The following PAFAH1B1 variants were observed in gnomAD, a reference collection of about 807,000 sequenced individuals.
The protein encoded by PAFAH1B1 is platelet-activating factor acetylhydrolase IB subunit beta.
Under a neutral mutation model 57.5 loss-of-function variants are expected in PAFAH1B1, and 2 were observed. That is an observed-to-expected ratio of 0.03 (90% CI 0.01 to 0.11). The LOEUF is 0.11. Ranked by LOEUF, PAFAH1B1 falls within the 10% of genes least tolerant of loss-of-function variation. The pLI is 1.00. For synonymous variants in PAFAH1B1, 152 were observed against 169.6 expected (o/e 0.90, Z 0.81); for missense variants, 257 against 512.0 (o/e 0.50, Z 4.81).
chr17:2,646,668 TA>T (rs1374988828), intron 2 of PAFAH1B1, among the ~76,000 whole-genome samples: 1 of 151,952 alleles, frequency 6.6e-6, no homozygotes, highest in Non-Finnish European at 1.5e-5. Flanking sequence ...AATAAATAAA[TA>T]AATTTGAAAA....
Position 2,593,679 on chromosome 17 carries a change from C to T in PAFAH1B1, c.-518C>T, listed in dbSNP as rs2068048090. 1.2e-5 allele frequency: 3 copies of T among 243,612 alleles called. No homozygotes were observed. Among genetic ancestry groups the T allele is most frequent in the Non-Finnish European group, 1.5e-5 (2 of 129,838 alleles). The allele number at this position is 243,612 out of a possible 1,614,324, so 15.1% of individuals were successfully genotyped here. ...AGACGGAGCTGGAGCGGCGGGGCGG[C>T]GGCGGAGTCCGGCGGCCGGGAGAGC... is the stretch of plus-strand genomic sequence containing the variant. On this transcript the variant is annotated 5_prime_UTR_variant, in exon 1 of 11. Transcript: ENST00000397195.
intron 1 of PAFAH1B1, among the ~76,000 whole-genome samples, chr17:2,609,893 C>T (rs186385632): frequency 4.5e-4 from 68 of 152,302 alleles, no homozygotes; most frequent in African/African-American, 1.6e-3. Flanking sequence ...GGCACGATCT[C>T]GGCTCACTGT....
At position 2,652,015 on chromosome 17, in the gene PAFAH1B1, C is replaced by A. The variant is rs565122857; in HGVS notation, c.33-13357C>A. On this transcript the variant is annotated intron_variant, in intron 2 of 10. Coordinates refer to ENST00000397195, the MANE Select transcript of PAFAH1B1 (RefSeq NM_000430.4). Reference sequence around the variant, plus strand: ...CATCCTTCCCTGCCTCCCTAAACCCCTCATATTTTTACTGTTAACCATAGT... The same window carrying A: ...CATCCTTCCCTGCCTCCCTAAACCCATCATATTTTTACTGTTAACCATAGT... 7.9e-5 allele frequency among the ~76,000 whole-genome samples: 12 copies of A among 152,312 alleles called. No individual in the cohort carries two copies. In the South Asian group the frequency reaches 2.5e-3, roughly 32 times the overall value.
intron 1 of PAFAH1B1, among the ~76,000 whole-genome samples, chr17:2,637,055 A>G (rs943849604): frequency 1.1e-4 from 16 of 152,010 alleles, no homozygotes; most frequent in South Asian, 4.2e-4. Flanking sequence ...TGGCTTATTC[A>G]TTACTGTATT....
intron 9 of PAFAH1B1, chr17:2,679,743 G>A (rs2069348032): frequency 4.2e-6 from 1 of 236,314 alleles, no homozygotes; most frequent in Admixed American, 5.2e-5. Context: ...TCATGTATGT[G>A]TGTATATTTT....
chr17:2,625,450 G>A (rs921373170), intron 1 of PAFAH1B1, among the ~76,000 whole-genome samples: 47 of 152,202 alleles, frequency 3.1e-4, no homozygotes, highest in African/African-American at 1.1e-3. Context: ...TCTTTGAGAG[G>A]AAAGATCTTA....
intron 2 of PAFAH1B1, among the ~76,000 whole-genome samples, chr17:2,652,325 G>T (rs1177027072): frequency 6.6e-6 from 1 of 152,318 alleles, no homozygotes; most frequent in East Asian, 1.9e-4. Flanking sequence ...TGAGGCAGGA[G>T]AATGGCGTGA....
intron 1 of PAFAH1B1, among the ~76,000 whole-genome samples, chr17:2,606,219 A>G (rs1272409384): frequency 6.6e-6 from 1 of 151,814 alleles, no homozygotes; most frequent in Non-Finnish European, 1.5e-5. Context: ...TAACTATTCG[A>G]CTCCAAAATT....
rs557316851 is a variant in PAFAH1B1 at position 2,668,194 on chromosome 17, C to T, written c.399+996C>T. On this transcript the variant is annotated intron_variant, in intron 5 of 10. Coordinates refer to ENST00000397195, the MANE Select transcript of PAFAH1B1 (RefSeq NM_000430.4). Reference sequence around the variant, plus strand: ...CAAAAAAATTAGCTGGGCATGGCAGCGTGCGCCTGTAGTCCCAGCTACTTG... The same window carrying T: ...CAAAAAAATTAGCTGGGCATGGCAGTGTGCGCCTGTAGTCCCAGCTACTTG... 5.3e-5 allele frequency among the ~76,000 whole-genome samples: 8 copies of T among 151,880 alleles called. No individual in the cohort carries two copies. In the East Asian group the frequency reaches 1.2e-3, roughly 22 times the overall value.
chr17:2,659,471 A>T, intron 2 of PAFAH1B1: 1 of 233,944 alleles, frequency 4.3e-6, no homozygotes, highest in Non-Finnish European at 8.7e-6. Flanking sequence ...TGGTGAGCTG[A>T]GATTGTGCCA....
chr17:2,650,188 G>A (rs1203357737), intron 2 of PAFAH1B1, among the ~76,000 whole-genome samples: 1 of 152,152 alleles, frequency 6.6e-6, no homozygotes, highest in African/African-American at 2.4e-5. Context: ...GTAGGTGCAA[G>A]ATTTTATCTT....
intron 1 of PAFAH1B1, among the ~76,000 whole-genome samples, chr17:2,633,751 C>T (rs116499523): frequency 1.1e-4 from 17 of 152,222 alleles, no homozygotes; most frequent in African/African-American, 4.1e-4. Context: ...GATAGTTGGA[C>T]AGGTTTGGAT....
intron 2 of PAFAH1B1, among the ~76,000 whole-genome samples, chr17:2,654,100 C>T (rs555317132): frequency 1.3e-5 from 2 of 152,192 alleles, no homozygotes; most frequent in East Asian, 1.9e-4. Context: ...AGCCACCATG[C>T]CCGGCCAGTC....
At chr17:2,650,962 C>T (rs2068841533) in intron 2 of PAFAH1B1, among the ~76,000 whole-genome samples, 1 of 152,138 alleles carries the variant, frequency 6.6e-6, no homozygotes, top group Admixed American at 6.5e-5. Flanking sequence ...TTCCTTGATA[C>T]TACCTTTAGA....
intron 5 of PAFAH1B1, among the ~76,000 whole-genome samples, chr17:2,669,023 GA>G (rs1386196329): frequency 6.6e-6 from 1 of 151,978 alleles, no homozygotes; most frequent in Non-Finnish European, 1.5e-5. Context: ...TATTAAATAA[GA>G]ATTCCCAGTG....
chr17:2,606,695 T>C (rs2068207707), intron 1 of PAFAH1B1, among the ~76,000 whole-genome samples: 2 of 152,016 alleles, frequency 1.3e-5, no homozygotes, highest in Non-Finnish European at 2.9e-5. Context: ...TTGTTTTCTA[T>C]TTTTATTAGG....
rs527660359 is a variant in PAFAH1B1 at position 2,623,194 on chromosome 17, T to C, written c.-190-14905T>C. 8.0e-4 allele frequency among the ~76,000 whole-genome samples: 121 copies of C among 152,082 alleles called. 1 individual carries two copies. The highest frequency in any genetic ancestry group is 2.8e-3 in the African/African-American group (116 of 41,502). On this transcript the variant is annotated intron_variant, in intron 1 of 10. Coordinates refer to ENST00000397195, the MANE Select transcript of PAFAH1B1 (RefSeq NM_000430.4). ...ATAGTCTTGGGGATTAACATTAGGCTCCTTGCTTCTTATGCAGATTTCTGC... is the reference window on the plus strand; with the variant it reads ...ATAGTCTTGGGGATTAACATTAGGCCCCTTGCTTCTTATGCAGATTTCTGC...
At chr17:2,636,680 T>C (rs578217447) in intron 1 of PAFAH1B1, among the ~76,000 whole-genome samples, 1 of 152,292 alleles carries the variant, frequency 6.6e-6, no homozygotes, top group Non-Finnish European at 1.5e-5. Flanking sequence ...TTTGCAGACA[T>C]AAGCCACCAC....
At chr17:2,638,444 T>C in intron 2 of PAFAH1B1, 124 bp downstream of exon 2, 1 of 759,912 alleles carries the variant, frequency 1.3e-6, no homozygotes, top group South Asian at 1.5e-5. Flanking sequence ...GTTCCAATAT[T>C]AGTTTAGGCA....
Sources: allele counts gnomAD v4.1 joint callset (sites outside exome capture counted in the v4.1 genomes callset), GRCh38; gene constraint gnomAD v4.1.1; transcripts MANE v1.5; gene names NCBI Gene and HGNC (gene_info 2026-07-23, HGNC 2026-07-21).